NCALD: variants seen among roughly 807,000 people sequenced by gnomAD.
NCALD encodes neurocalcin-delta.
In NCALD, 10 loss-of-function variants were observed where a neutral mutation model predicts 18.6. The observed-to-expected ratio is 0.54, with a 90% CI of 0.33 to 0.91. The LOEUF is 0.91. Among genes scored for constraint, NCALD ranks in the 40% least tolerant of loss-of-function variants. The pLI is 0.03. For synonymous variants in NCALD, 88 were observed against 87.4 expected, an observed-to-expected ratio of 1.01 and a Z score of -0.04; for missense variants, 184 against 247.6, an observed-to-expected ratio of 0.74 and a Z score of 1.72.
intron 3 of NCALD, among the ~76,000 whole-genome samples, chr8:101,899,394 C>T (rs1817332931): frequency 6.6e-6 from 1 of 151,766 alleles, no homozygotes; most frequent in Non-Finnish European, 1.5e-5. Flanking sequence ...TTTATTTCCT[C>T]TTCTCTATTG....
intron 2 of NCALD, among the ~76,000 whole-genome samples, chr8:101,711,329 C>G (rs10808376): frequency 0.99 from 150,388 of 152,266 alleles, 74,348 homozygotes; most frequent in Middle Eastern, 1. Flanking sequence ...GTGCAAAAAG[C>G]CTGAAAATTC....
At chr8:102,110,391 A>G (rs912261485) in intron 1 of NCALD, among the ~76,000 whole-genome samples, 1 of 152,192 alleles carries the variant, frequency 6.6e-6, no homozygotes, top group African/African-American at 2.4e-5. Context: ...AGTATTTTGG[A>G]TTGCTTAGGA....
intron 2 of NCALD, among the ~76,000 whole-genome samples, chr8:101,957,289 GTTTTTTTTT>G (rs11305701): frequency 0.013 from 1,276 of 99,524 alleles, 37 homozygotes; most frequent in African/African-American, 0.046. Flanking sequence ...AAAAGTTGGG[GTTTTTTTTT>G]TTTTTTTTTT....
intron 2 of NCALD, among the ~76,000 whole-genome samples, chr8:101,703,570 T>C (rs1157071575): frequency 6.6e-6 from 1 of 152,124 alleles, no homozygotes; most frequent in Non-Finnish European, 1.5e-5. Flanking sequence ...CGCTGGGAAT[T>C]GGGCAACGAA....
chr8:101,872,991 G>A (rs769182203), intron 4 of NCALD, among the ~76,000 whole-genome samples: 1 of 152,180 alleles, frequency 6.6e-6, no homozygotes, highest in Non-Finnish European at 1.5e-5. Flanking sequence ...TTCCACTAAT[G>A]CTTTGCTTCT....
intron 2 of NCALD, among the ~76,000 whole-genome samples, chr8:101,700,247 A>G (rs1223100500): frequency 6.6e-6 from 1 of 151,844 alleles, no homozygotes; most frequent in Non-Finnish European, 1.5e-5. Context: ...AAATATTTGT[A>G]GAGATGGGGT....
Position 101,815,782 on chromosome 8 carries a change from C to T in NCALD, c.-20+71359G>A, listed in dbSNP as rs770729288. Among the ~76,000 whole-genome samples, 32 of 152,150 alleles carry T rather than the reference C, an allele frequency of 2.1e-4. 1 individual carries two copies. Among genetic ancestry groups the T allele is most frequent in the Admixed American group, 1.7e-3 (26 of 15,254 alleles). Reference sequence around the variant, plus strand: ...TACTCTTAATATATGATCCAGCAATCACACTCCTTGGTATTTACCTAAATA... The same window carrying T: ...TACTCTTAATATATGATCCAGCAATTACACTCCTTGGTATTTACCTAAATA... On this transcript the variant is annotated intron_variant, in intron 4 of 6. Coordinates refer to the NCALD transcript ENST00000311028.
chr8:101,718,975 T>C (rs1279121971), intron 2 of NCALD, among the ~76,000 whole-genome samples: 2 of 152,254 alleles, frequency 1.3e-5, no homozygotes, highest in Non-Finnish European at 1.5e-5. Context: ...ATCGTAACTC[T>C]TACAACCAAT....
chr8:101,940,969 T>A (rs894540760), intron 2 of NCALD, among the ~76,000 whole-genome samples: 1 of 152,108 alleles, frequency 6.6e-6, no homozygotes, highest in African/African-American at 2.4e-5. Context: ...ATTAAAAGGA[T>A]TTTTTAAAGA....
chr8:101,967,235 C>T (rs1372521811), intron 2 of NCALD, among the ~76,000 whole-genome samples: 1 of 152,106 alleles, frequency 6.6e-6, no homozygotes, highest in Non-Finnish European at 1.5e-5. Flanking sequence ...TGTTGTAAAC[C>T]ACAACGGAAG....
intron 3 of NCALD, among the ~76,000 whole-genome samples, chr8:101,910,821 A>C (rs1165925743): frequency 6.6e-6 from 1 of 152,178 alleles, no homozygotes; most frequent in Non-Finnish European, 1.5e-5. Flanking sequence ...CTCAGTTAAA[A>C]CCATGAGAAA....
At chr8:101,985,471 A>C (rs1820774175) in intron 2 of NCALD, among the ~76,000 whole-genome samples, 1 of 152,210 alleles carries the variant, frequency 6.6e-6, no homozygotes, top group Non-Finnish European at 1.5e-5. Flanking sequence ...TTCCAATATG[A>C]AACCTGTTAA....
chr8:101,694,798 T>G (rs1176828213), intron 2 of NCALD, among the ~76,000 whole-genome samples: 6 of 152,074 alleles, frequency 3.9e-5, no homozygotes, highest in Non-Finnish European at 7.4e-5. Flanking sequence ...TGTGCCTCAC[T>G]GCCGGGGACA....
chr8:102,071,047 G>C (rs1320930737), intron 1 of NCALD, among the ~76,000 whole-genome samples: 1 of 152,046 alleles, frequency 6.6e-6, no homozygotes, highest in Non-Finnish European at 1.5e-5. Flanking sequence ...GGGACCAAAG[G>C]CAATGAGGTT....
At chr8:101,828,445 C>A (rs6468801) in intron 4 of NCALD, among the ~76,000 whole-genome samples, 111,875 of 152,000 alleles carry the variant, frequency 0.74, 41,484 homozygotes, top group Non-Finnish European at 0.77. Context: ...CCTTAACCCC[C>A]GAATCTGCAG....
At chr8:101,938,908 T>C (rs7003289) in intron 2 of NCALD, among the ~76,000 whole-genome samples, 98,485 of 152,154 alleles carry the variant, frequency 0.65, 33,096 homozygotes, top group African/African-American at 0.84. Flanking sequence ...ACAATTAACT[T>C]TTGCCTCATG....
chr8:101,696,847 A>G (rs953036114), intron 2 of NCALD, among the ~76,000 whole-genome samples: 39 of 152,184 alleles, frequency 2.6e-4, no homozygotes, highest in African/African-American at 9.2e-4. Flanking sequence ...TCAGAAAGCT[A>G]GAAGGATCTC....
At chr8:102,097,588 A>C (rs1825144683) in intron 1 of NCALD, among the ~76,000 whole-genome samples, 1 of 152,242 alleles carries the variant, frequency 6.6e-6, no homozygotes, top group South Asian at 2.1e-4. Context: ...CAAGGCCAGC[A>C]GTTCTGGATG....
chr8:101,856,526 G>C (rs2131351383), intron 4 of NCALD, among the ~76,000 whole-genome samples: 1 of 152,056 alleles, frequency 6.6e-6, no homozygotes, highest in Admixed American at 6.5e-5. Context: ...TTACGTGTAA[G>C]ATTTTATTTG....
Sources: allele counts gnomAD v4.1 joint callset (sites outside exome capture counted in the v4.1 genomes callset), GRCh38; gene constraint gnomAD v4.1.1; transcripts MANE v1.5; gene names NCBI Gene and HGNC (gene_info 2026-07-23, HGNC 2026-07-21).